GPATCH2: variants seen among roughly 807,000 people sequenced by gnomAD.
GPATCH2 encodes G-patch domain containing 2, also known as G patch domain-containing protein 2.
In GPATCH2, 51 loss-of-function variants were observed where a neutral mutation model predicts 58.0. The ratio of observed to expected loss-of-function variants is 0.88; its 90% CI spans 0.70 to 1.11. GPATCH2 has a LOEUF of 1.11. GPATCH2 is among the 50% of genes most tolerant of loss of function. The probability of loss-of-function intolerance (pLI) is 0.00; values close to 1 mark genes in which losing one functional copy is unlikely to be tolerated. For missense variants in GPATCH2, 625 were observed against 652.2 expected (o/e 0.96, Z 0.45); for synonymous variants, 222 against 218.5 (o/e 1.02, Z -0.14).
intron 5 of GPATCH2, among the ~76,000 whole-genome samples, chr1:217,517,183 A>T (rs1452857105): frequency 3.3e-5 from 5 of 152,222 alleles, no homozygotes; most frequent in Non-Finnish European, 7.4e-5. Context: ...ATACTTAAAT[A>T]ATTTTACCTA....
In GPATCH2 at chr1:217,501,043, T is replaced by C. The variant is rs138899196; in HGVS notation, c.1167-2648A>G. ...TACAGACTAGATACAGAACAATTTATTACTACAACGATCCTTCATGTTGTC... is the reference window on the plus strand; with the variant it reads ...TACAGACTAGATACAGAACAATTTACTACTACAACGATCCTTCATGTTGTC... On this transcript the variant is annotated intron_variant, in intron 6 of 9. Transcript: ENST00000366935. 9.2e-3 allele frequency among the ~76,000 whole-genome samples: 1,394 copies of C among 152,240 alleles called. 7 individuals are homozygous for C. The highest frequency in any genetic ancestry group is 0.048 in the Middle Eastern group (14 of 294).
chr1:217,464,482 T>C (rs1571747529), intron 8 of GPATCH2, among the ~76,000 whole-genome samples: 1 of 152,152 alleles, frequency 6.6e-6, no homozygotes, highest in East Asian at 1.9e-4. Flanking sequence ...AAGATACCAG[T>C]TTATAAATGA....
chr1:217,479,074 GACAA>G (rs1661098232), intron 8 of GPATCH2, among the ~76,000 whole-genome samples: 1 of 151,978 alleles, frequency 6.6e-6, no homozygotes, highest in African/African-American at 2.4e-5. Flanking sequence ...GGCTCTCCCA[GACAA>G]ACAAAACCTG....
intron 6 of GPATCH2, among the ~76,000 whole-genome samples, chr1:217,512,058 C>T (rs1442575918): frequency 6.6e-6 from 1 of 152,124 alleles, no homozygotes; most frequent in African/African-American, 2.4e-5. Context: ...AGCATGGTGG[C>T]TCATGGCTGT....
At chr1:217,621,574 T>G (rs950135912) in intron 1 of GPATCH2, among the ~76,000 whole-genome samples, 1 of 152,176 alleles carries the variant, frequency 6.6e-6, no homozygotes, top group Non-Finnish European at 1.5e-5. Flanking sequence ...AATGCAAAAA[T>G]AGCCACAAGC....
Position 217,620,210 on chromosome 1 carries a change from C to T in GPATCH2, c.346G>A (p.Asp116Asn). 6.2e-7 allele frequency: 1 copy of T among 1,613,988 alleles called. No homozygotes were observed. Among genetic ancestry groups the T allele is most frequent in the Non-Finnish European group, 8.5e-7 (1 of 1,179,916 alleles). The part of the protein sequence containing the change: ...NHNNNKKDHS[D>N]SDDQMLVAKR... ...GCTACTAACATTTGGTCATCAGAGTCACTGTGATCTTTTTTATTATTATTG... is the reference window on the plus strand; with the variant it reads ...GCTACTAACATTTGGTCATCAGAGTTACTGTGATCTTTTTTATTATTATTG... Residue 116 changes from aspartate to asparagine, a missense_variant, in exon 2 of 10, where the codon GAC becomes AAC. By Grantham distance (23) the Asp-to-Asn change is conservative. Coordinates refer to ENST00000366935, the MANE Select transcript of GPATCH2 (RefSeq NM_018040.5).
intron 8 of GPATCH2, among the ~76,000 whole-genome samples, chr1:217,450,246 C>T (rs1002148840): frequency 6.6e-6 from 1 of 151,916 alleles, no homozygotes; most frequent in Non-Finnish European, 1.5e-5. Context: ...ATGTTTATGA[C>T]AACCCATGTT....
intron 9 of GPATCH2, among the ~76,000 whole-genome samples, chr1:217,445,466 C>T (rs538999041): frequency 1.6e-4 from 25 of 152,164 alleles, no homozygotes; most frequent in African/African-American, 5.5e-4. Flanking sequence ...TTATTTTGTT[C>T]ACTGCTTTTC....
Position 217,620,387 on chromosome 1 carries a change from T to C in GPATCH2, c.169A>G (p.Ile57Val), listed in dbSNP as rs778996709. ...GCCTGGCGTTTCAGAGGGCAAGATA[T>C]ACTTCGAGAATGGTCTCCTGTTTCA... ...FAETGDHSRS[I>V]SCPLKRQARK... is the part of the protein sequence containing the mutation. Residue 57 changes from isoleucine to valine, a missense_variant, in exon 2 of 10, where the codon ATA becomes GTA. Coordinates refer to ENST00000366935, the MANE Select transcript of GPATCH2 (RefSeq NM_018040.5). The C allele has an allele frequency of 1.9e-6, 3 of 1,614,004 alleles. No homozygotes were observed. The highest frequency in any genetic ancestry group is 2.5e-6 in the Non-Finnish European group (3 of 1,179,900).
At chr1:217,506,314 A>G (rs969872354) in intron 6 of GPATCH2, among the ~76,000 whole-genome samples, 1 of 152,202 alleles carries the variant, frequency 6.6e-6, no homozygotes, top group Non-Finnish European at 1.5e-5. Context: ...CCTGTGAACT[A>G]TAACTACTTT....
At chr1:217,611,705 T>G (rs539284926) in intron 3 of GPATCH2, among the ~76,000 whole-genome samples, 1 of 152,318 alleles carries the variant, frequency 6.6e-6, no homozygotes, top group South Asian at 2.1e-4. Flanking sequence ...CAGATGTGAC[T>G]AAATGAAATT....
chr1:217,580,466 G>A (rs987644654), intron 5 of GPATCH2, among the ~76,000 whole-genome samples: 6 of 152,146 alleles, frequency 3.9e-5, no homozygotes, highest in South Asian at 2.1e-4. Context: ...TATCAAACAA[G>A]AAGTGCTTAT....
intron 5 of GPATCH2, among the ~76,000 whole-genome samples, chr1:217,526,774 C>T (rs1028337967): frequency 8.5e-5 from 13 of 152,344 alleles, no homozygotes; most frequent in East Asian, 1.9e-4. Context: ...GAGCAACAGA[C>T]GAGCAAGCAA....
chr1:217,489,304 G>A (rs1661605738), intron 8 of GPATCH2, among the ~76,000 whole-genome samples: 1 of 151,880 alleles, frequency 6.6e-6, no homozygotes, highest in Non-Finnish European at 1.5e-5. Flanking sequence ...CCACTGGTTT[G>A]GCAATTATAT....
chr1:217,475,060 C>T (rs1660909308), intron 8 of GPATCH2, among the ~76,000 whole-genome samples: 1 of 152,070 alleles, frequency 6.6e-6, no homozygotes, highest in South Asian at 2.1e-4. Flanking sequence ...TTGCCCTGTG[C>T]CTAACATAAC....
At position 217,526,502 on chromosome 1, in the gene GPATCH2, A is replaced by C. The variant is rs151284753; in HGVS notation, c.1099-11613T>G. Among the ~76,000 whole-genome samples, 678 of 152,358 alleles carry C rather than the reference A, an allele frequency of 4.5e-3. 5 individuals are homozygous for C. Among genetic ancestry groups the C allele is most frequent in the African/African-American group, 0.015 (629 of 41,578 alleles). ...TATGAATAAATGAGTGAATGAGTTA[A>C]TTAAAAAGAGGTAAAATATTAGTTA... On this transcript the variant is annotated intron_variant, in intron 5 of 9. Coordinates refer to ENST00000366935, the MANE Select transcript of GPATCH2 (RefSeq NM_018040.5).
At chr1:217,512,553 C>G (rs1662906328) in intron 6 of GPATCH2, among the ~76,000 whole-genome samples, 1 of 152,190 alleles carries the variant, frequency 6.6e-6, no homozygotes, top group African/African-American at 2.4e-5. Flanking sequence ...AAGACCTATA[C>G]CTACCTGCTG....
At chr1:217,529,459 T>C (rs907352894) in intron 5 of GPATCH2, among the ~76,000 whole-genome samples, 3 of 152,072 alleles carry the variant, frequency 2.0e-5, no homozygotes, top group South Asian at 4.1e-4. Flanking sequence ...CCAGAGTGGG[T>C]TGTTATAAAG....
intron 5 of GPATCH2, among the ~76,000 whole-genome samples, chr1:217,525,168 T>A (rs1468535801): frequency 6.6e-6 from 1 of 151,900 alleles, no homozygotes; most frequent in Non-Finnish European, 1.5e-5. Flanking sequence ...TGTTCTCACA[T>A]GTAACAATAT....
Sources: gnomAD v4.1 joint callset for allele counts (sites outside exome capture counted in the v4.1 genomes callset) on GRCh38, gnomAD v4.1.1 for gene constraint, MANE v1.5 for transcripts, NCBI Gene and HGNC (gene_info 2026-07-23, HGNC 2026-07-21) for gene names.